MEIKIN: variants seen among roughly 807,000 people sequenced by gnomAD.
MEIKIN encodes the protein meiotic kinetochore factor, also known as meiosis-specific kinetochore protein.
intron 8 of MEIKIN, among the ~76,000 whole-genome samples, chr5:131,911,161 A>ATACC (rs761064390): frequency 1.2e-4 from 18 of 152,136 alleles, no homozygotes; most frequent in Admixed American, 3.3e-4. Flanking sequence ...TAATTGTTTT[A>ATACC]TACCTACAGT....
chr5:131,835,196 G>GTATATATA (rs777217677), intron 11 of MEIKIN, among the ~76,000 whole-genome samples: 5 of 150,188 alleles, frequency 3.3e-5, no homozygotes, highest in African/African-American at 9.9e-5. Context: ...ATATGTGTGT[G>GTATATATA]TGTATATATA....
intron 6 of MEIKIN, among the ~76,000 whole-genome samples, chr5:131,921,112 A>T (rs916168737): frequency 1.3e-5 from 2 of 152,228 alleles, no homozygotes; most frequent in African/African-American, 4.8e-5. Flanking sequence ...AAACTGCAGG[A>T]GACTAGGGAG....
chr5:131,857,080 G>A (rs570788393), intron 9 of MEIKIN, among the ~76,000 whole-genome samples: 35 of 151,992 alleles, frequency 2.3e-4, no homozygotes, highest in African/African-American at 8.0e-4. Context: ...TAACATAAAA[G>A]CAGACCTATA....
chr5:131,852,741 C>T (rs190035409), intron 10 of MEIKIN, among the ~76,000 whole-genome samples: 109 of 152,096 alleles, frequency 7.2e-4, no homozygotes, highest in Middle Eastern at 3.4e-3. Flanking sequence ...ATGATAGTTG[C>T]ACAGTTTTTA....
At chr5:131,883,616 C>G (rs1750731905) in intron 8 of MEIKIN, among the ~76,000 whole-genome samples, 1 of 152,126 alleles carries the variant, frequency 6.6e-6, no homozygotes, top group Non-Finnish European at 1.5e-5. Context: ...GATGGCCGAA[C>G]AGAAGACTCC....
intron 9 of MEIKIN, among the ~76,000 whole-genome samples, chr5:131,869,189 T>G (rs1262831184): frequency 6.6e-6 from 1 of 152,232 alleles, no homozygotes; most frequent in Non-Finnish European, 1.5e-5. Flanking sequence ...TTCATGTTTT[T>G]GCATTTGGGG....
intron 11 of MEIKIN, among the ~76,000 whole-genome samples, chr5:131,840,668 A>T (rs1249489871): frequency 6.6e-6 from 1 of 152,126 alleles, no homozygotes; most frequent in Non-Finnish European, 1.5e-5. Flanking sequence ...GCATTATGAA[A>T]TTCTTGTAGT....
At chr5:131,846,713 C>G (rs1309652006) in intron 11 of MEIKIN, among the ~76,000 whole-genome samples, 1 of 152,048 alleles carries the variant, frequency 6.6e-6, no homozygotes, top group Non-Finnish European at 1.5e-5. Context: ...CCCACCTACT[C>G]AGGAAGCCAA....
intron 4 of MEIKIN, among the ~76,000 whole-genome samples, chr5:131,938,352 G>A (rs188961139): frequency 1.6e-3 from 243 of 152,118 alleles, no homozygotes; most frequent in African/African-American, 4.7e-3. Flanking sequence ...TATTTTAGTA[G>A]AGACAGGGTT....
At chr5:131,935,082 A>G (rs1214732399) in intron 4 of MEIKIN, among the ~76,000 whole-genome samples, 3 of 151,660 alleles carry the variant, frequency 2.0e-5, no homozygotes, top group Non-Finnish European at 2.9e-5. Flanking sequence ...AAAGAAAAAA[A>G]AAAAGACAAG....
chr5:131,813,506 A>G (rs1430616405), intron 12 of MEIKIN, among the ~76,000 whole-genome samples: 1 of 150,962 alleles, frequency 6.6e-6, no homozygotes, highest in Non-Finnish European at 1.5e-5. Context: ...GGCTCACTGA[A>G]AGCTCCGCCT....
chr5:131,841,712 A>C (rs544149090), intron 11 of MEIKIN, among the ~76,000 whole-genome samples: 1 of 152,220 alleles, frequency 6.6e-6, no homozygotes, highest in Non-Finnish European at 1.5e-5. Context: ...TACTTCCTCC[A>C]ATCAATGAAA....
At chr5:131,901,413 C>A (rs757691111) in intron 8 of MEIKIN, among the ~76,000 whole-genome samples, 3 of 152,154 alleles carry the variant, frequency 2.0e-5, no homozygotes, top group African/African-American at 7.2e-5. Context: ...CCTGTTCCCC[C>A]CTGTGCCATG....
chr5:131,890,816 C>T (rs1297698906), intron 8 of MEIKIN, among the ~76,000 whole-genome samples: 2 of 152,150 alleles, frequency 1.3e-5, no homozygotes, highest in African/African-American at 4.8e-5. Flanking sequence ...GTTAGGGTGT[C>T]AATTTTAGAT....
intron 12 of MEIKIN, 42 bp downstream of exon 12, chr5:131,818,698 T>C (rs1773146140): frequency 7.6e-6 from 3 of 395,014 alleles, no homozygotes; most frequent in Non-Finnish European, 1.3e-5. Context: ...AAAAATGTTT[T>C]ATATCATCCA....
chr5:131,911,046 T>C (rs1485624203), intron 8 of MEIKIN, among the ~76,000 whole-genome samples: 3 of 152,070 alleles, frequency 2.0e-5, no homozygotes, highest in Non-Finnish European at 2.9e-5. Flanking sequence ...CTTCTTCCAA[T>C]GCTAACCCTC....
intron 8 of MEIKIN, among the ~76,000 whole-genome samples, chr5:131,890,528 T>C (rs554666776): frequency 5.9e-5 from 9 of 152,240 alleles, no homozygotes; most frequent in Non-Finnish European, 1.3e-4. Flanking sequence ...TATTCTCTGA[T>C]GGTAGTTTGT....
intron 8 of MEIKIN, among the ~76,000 whole-genome samples, chr5:131,890,514 A>G (rs868629437): frequency 2.6e-5 from 4 of 152,180 alleles, no homozygotes; most frequent in African/African-American, 9.7e-5. Context: ...AGAGGTGTTT[A>G]CAGTATTCTC....
intron 9 of MEIKIN, among the ~76,000 whole-genome samples, chr5:131,862,195 A>C (rs961679959): frequency 3.9e-5 from 6 of 152,130 alleles, no homozygotes; most frequent in Non-Finnish European, 7.3e-5. Context: ...GTATGTTTCC[A>C]GGAGTTTACC....
Sources: allele counts gnomAD v4.1 joint callset (sites outside exome capture counted in the v4.1 genomes callset), GRCh38; gene constraint gnomAD v4.1.1; transcripts MANE v1.5; gene names NCBI Gene and HGNC (gene_info 2026-07-23, HGNC 2026-07-21).